SETX: variants seen among roughly 807,000 people sequenced by gnomAD.
SETX encodes senataxin, also known as helicase senataxin.
SETX carries 90 observed loss-of-function variants against 227.2 expected under a neutral mutation model. The observed-to-expected ratio is 0.40, with a 90% CI of 0.33 to 0.47. The LOEUF is 0.47. SETX is among the 20% of genes least tolerant of loss of function. The pLI is 0.91. For missense variants in SETX, 3,052 were observed against 3,181.5 expected (o/e 0.96, Z 0.98); for synonymous variants, 1,210 against 1,113.2 (o/e 1.09, Z -1.73).
chr9:132,286,181 CA>C lies in SETX; in HGVS notation c.6396+241del, dbSNP rs58043008. ...CTGGTGACAGAGCAAGACTTCACCTCAAAAAAAAAAAAAAAAAAAAATTAGC... is the reference window on the plus strand; with the variant it reads ...CTGGTGACAGAGCAAGACTTCACCTCAAAAAAAAAAAAAAAAAAAATTAGC... On this transcript the variant is annotated intron_variant, in intron 18 of 25. Coordinates refer to ENST00000224140, the MANE Select transcript of SETX (RefSeq NM_015046.7). Among the ~76,000 whole-genome samples the C allele has an allele frequency of 0.049, 3,671 of 74,520 alleles. 115 individuals are homozygous for C. The highest frequency in any genetic ancestry group is 0.22 in the East Asian group (712 of 3,188). 48.9% of individuals were successfully genotyped at this position (74,520 alleles called of 152,430 possible).
intron 11 of SETX, among the ~76,000 whole-genome samples, chr9:132,302,356 CAAAAAAAA>C (rs35649212): frequency 3.6e-5 from 1 of 27,814 alleles, no homozygotes; most frequent in South Asian, 1.4e-3. Context: ...GAATCCATCT[CAAAAAAAA>C]AAAAAAAAAA....
intron 4 of SETX, among the ~76,000 whole-genome samples, chr9:132,344,997 C>A (rs567451551): frequency 6.6e-6 from 1 of 152,090 alleles, no homozygotes; most frequent in East Asian, 1.9e-4. Context: ...ATAAGCCATG[C>A]CATAGTGGTT....
In SETX at chr9:132,328,074, C is replaced by A. The variant is rs776791050; in HGVS notation, c.3524G>T (p.Arg1175Met). 6 of 1,614,138 alleles carry A rather than the reference C, an allele frequency of 3.7e-6. No homozygotes were observed. In the East Asian group the frequency reaches 8.9e-5, roughly 24 times the overall value. Reference sequence around the variant, plus strand: ...CTCATTTCTGACAGAAGATGAAGGCCTCACAGGATCTTCAGCCATTGGTTT... The same window carrying A: ...CTCATTTCTGACAGAAGATGAAGGCATCACAGGATCTTCAGCCATTGGTTT... ...SEKPMAEDPV[R>M]PSSSVRNEGQ... is the part of the protein sequence containing the mutation. The change falls in exon 10 of 26, where the codon AGG becomes ATG. Residue 1175 changes from arginine to methionine, a missense_variant. Physicochemically the swap from Arg to Met is moderately conservative, Grantham distance 91. Transcript: ENST00000224140.
At chr9:132,333,012 G>A (rs900796842) in intron 7 of SETX, among the ~76,000 whole-genome samples, 3 of 151,888 alleles carry the variant, frequency 2.0e-5, no homozygotes, top group Non-Finnish European at 4.4e-5. Context: ...TTAGGCACAG[G>A]GAAAGAAATG....
rs1346733817 is a variant in SETX at position 132,262,022 on chromosome 9, A to C, written c.*2217T>G. 1.3e-5 allele frequency: 2 copies of C among 153,900 alleles called. No homozygotes were observed. The highest frequency in any genetic ancestry group is 2.9e-5 in the Non-Finnish European group (2 of 68,178). The allele number at this position is 153,900 out of a possible 1,614,324, so 9.5% of individuals were successfully genotyped here. A position where few individuals can be genotyped will look rare whatever the true frequency, so the allele number is the denominator to read the frequency against. ...TACTTGTACCAACTGGAACGAGTGA[A>C]GTTTCAAAAGTAATGTGAGGTACAA... is the stretch of plus-strand genomic sequence containing the variant. On this transcript the variant is annotated 3_prime_UTR_variant, in exon 26 of 26. Coordinates refer to ENST00000224140, the MANE Select transcript of SETX (RefSeq NM_015046.7).
chr9:132,299,239 T>C (rs755275803), intron 12 of SETX, among the ~76,000 whole-genome samples: 1 of 152,170 alleles, frequency 6.6e-6, no homozygotes, highest in Non-Finnish European at 1.5e-5. Context: ...TGGGAAAGAA[T>C]GAAGGAAGTG....
chr9:132,264,656 T>C lies in SETX; in HGVS notation c.7617A>G (p.Pro2539=), dbSNP rs1842549376. ...CAATGCCCATCCTCTTCAGCAGTCG[T>C]GGGTCCTGAAGTTGGTCATGAACAG... The part of the protein sequence containing the change: ...RPPVHDQLQD[P]RLLKRMGIEV... Residue 2539 remains proline, a synonymous_variant, in exon 26 of 26, where the codon CCA becomes CCG. Coordinates refer to ENST00000224140, the MANE Select transcript of SETX (RefSeq NM_015046.7). 1 of 1,614,256 alleles carries C rather than the reference T, an allele frequency of 6.2e-7. No individual in the cohort carries two copies. Among genetic ancestry groups the C allele is most frequent in the Non-Finnish European group, 8.5e-7 (1 of 1,180,044 alleles).
chr9:132,295,804 T>A lies in SETX; in HGVS notation c.6106+68A>T. The stretch of plus-strand genomic sequence containing the variant: ...CAGGACTGGCCTGCTCTTTCCTTTG[T>A]CATTCAAAGTTGCCTACACTTAACA... On this transcript the variant is annotated intron_variant, in intron 15 of 25. Transcript: ENST00000224140. 2.1e-6 allele frequency: 3 copies of A among 1,434,662 alleles called. No individual in the cohort carries two copies. In the East Asian group the frequency reaches 7.2e-5, roughly 34 times the overall value. The allele number at this position is 1,434,662 out of a possible 1,614,324, so 88.9% of individuals were successfully genotyped here.
intron 18 of SETX, 31 bp downstream of exon 18, chr9:132,286,392 A>G (rs1404580355): frequency 2.7e-6 from 4 of 1,477,060 alleles, no homozygotes; most frequent in Non-Finnish European, 3.7e-6. Context: ...AAAAAAAAAA[A>G]TCAAGAAAAT....
intron 25 of SETX, chr9:132,269,379 G>A (rs1182059493): frequency 2.0e-6 from 3 of 1,488,984 alleles, no homozygotes; most frequent in Non-Finnish European, 1.8e-6. Flanking sequence ...CTATGATGTG[G>A]ATAATTTGTT....
At position 132,324,646 on chromosome 9, in the gene SETX, C is replaced by A. The variant is rs138223497; in HGVS notation, c.5274+1678G>T. Among the ~76,000 whole-genome samples, 505 of 152,260 alleles carry A rather than the reference C, an allele frequency of 3.3e-3. 4 individuals carry two copies. The highest frequency in any genetic ancestry group is 0.012 in the African/African-American group (478 of 41,538). ...TCATACTAGAGTCCTTATCTCAATC[C>A]CAAATGGTCACTTCCAGAGAGCAGA... On this transcript the variant is annotated intron_variant, in intron 10 of 25. Coordinates refer to ENST00000224140, the MANE Select transcript of SETX (RefSeq NM_015046.7).
In SETX at chr9:132,271,750, C is replaced by T. The variant is rs1334073980; in HGVS notation, c.7159G>A (p.Val2387Ile). ...ATGCTATTTGCTCTGACACACGTAA[C>T]AATAACACAATCCTTCTGCCGACCC... ...FQGRQKDCVI[V>I]TCVRANSIQG... Residue 2387 changes from valine (V) to isoleucine (I), a missense_variant, in exon 24 of 26, where the codon GTT becomes ATT. Val to Ile is a conservative substitution (Grantham distance 29). Coordinates refer to ENST00000224140, the MANE Select transcript of SETX (RefSeq NM_015046.7). 6.2e-7 allele frequency: 1 copy of T among 1,614,000 alleles called. No homozygotes were observed. Among genetic ancestry groups the T allele is most frequent in the Non-Finnish European group, 8.5e-7 (1 of 1,180,018 alleles).
intron 2 of SETX, 107 bp from the exon 3 acceptor site, chr9:132,349,542 G>A (rs1465733361): frequency 8.5e-7 from 1 of 1,173,998 alleles, no homozygotes; most frequent in African/African-American, 1.5e-5. Context: ...TTTAAAATGT[G>A]TCACTAAAAC....
At chr9:132,314,132 G>C (rs1432562297) in intron 10 of SETX, among the ~76,000 whole-genome samples, 1 of 151,832 alleles carries the variant, frequency 6.6e-6, no homozygotes, top group East Asian at 1.9e-4. Flanking sequence ...CGGTCTTGTT[G>C]CCCAGGCGGG....
chr9:132,326,437 G>A lies in SETX; in HGVS notation c.5161C>T (p.Pro1721Ser), dbSNP rs141405303. The change falls in exon 10 of 26, where the codon CCC (proline) becomes TCC (serine). Residue 1721 changes from proline (P) to serine (S), a missense_variant. Coordinates refer to ENST00000224140, the MANE Select transcript of SETX (RefSeq NM_015046.7). The part of the protein sequence containing the change: ...EMFLNFGQCG[P>S]PASLCQSISR... The stretch of plus-strand genomic sequence containing the variant: ...ATGGACTGACAAAGACTTGCAGGGG[G>A]CCCACACTGACCAAAGTTCAAAAAC... 3.7e-6 allele frequency: 6 copies of A among 1,613,908 alleles called. No individual in the cohort carries two copies. The African/African-American group carries it at 5.3e-5, about 14-fold the overall frequency.
intron 6 of SETX, among the ~76,000 whole-genome samples, chr9:132,335,234 CAA>C (rs1310251393): frequency 1.3e-5 from 2 of 150,964 alleles, no homozygotes; most frequent in East Asian, 2.0e-4. Flanking sequence ...ACTAAAAATA[CAA>C]AAAAATTAGC....
intron 5 of SETX, among the ~76,000 whole-genome samples, chr9:132,338,252 C>T (rs951889643): frequency 6.6e-6 from 1 of 151,950 alleles, no homozygotes; most frequent in African/African-American, 2.4e-5. Flanking sequence ...CCACCACGCC[C>T]GGCTAACTTT....
rs1554801473 is a variant in SETX, at chr9:132,264,559, T to C, written c.7714A>G (p.Thr2572Ala). 6.2e-7 allele frequency: 1 copy of C among 1,614,088 alleles called. No homozygotes were observed. Among genetic ancestry groups the C allele is most frequent in the Admixed American group, 1.7e-5 (1 of 60,014 alleles). Residue 2572 changes from threonine (T) to alanine (A), a missense_variant, in exon 26 of 26, where the codon ACG becomes GCG. By Grantham distance (58) the Thr-to-Ala change is moderately conservative. Around this residue, in one of 10 missense-constraint regions of SETX, gnomAD observed 294 missense variants for 278.8 expected, o/e 1.05. Coordinates refer to ENST00000224140, the MANE Select transcript of SETX (RefSeq NM_015046.7). Reference protein sequence around the residue: ...SPQHPGATPPTGEPGFPVVHQ... With the variant: ...SPQHPGATPPAGEPGFPVVHQ... ...ACGACAGGGAAGCCCGGCTCGCCCG[T>C]AGGAGGTGTTGCTCCAGGATGCTGG...
Position 132,262,916 on chromosome 9 carries a change from T to G in SETX, c.*1323A>C, listed in dbSNP as rs1842467410. Reference sequence around the variant, plus strand: ...CAACTGTCAACTGTACATTCTCATGTTTAGGATACTCCAGTTCACTGCGTG... The same window carrying G: ...CAACTGTCAACTGTACATTCTCATGGTTAGGATACTCCAGTTCACTGCGTG... On this transcript the variant is annotated 3_prime_UTR_variant, in exon 26 of 26. Coordinates refer to ENST00000224140, the MANE Select transcript of SETX (RefSeq NM_015046.7). 1 of 152,170 alleles carries G rather than the reference T, an allele frequency of 6.6e-6. No homozygotes were observed. Among genetic ancestry groups the G allele is most frequent in the Non-Finnish European group, 1.5e-5 (1 of 68,040 alleles). 9.4% of individuals were successfully genotyped at this position (152,170 alleles called of 1,614,324 possible).
Sources: allele counts gnomAD v4.1 joint callset (sites outside exome capture counted in the v4.1 genomes callset), GRCh38; gene constraint gnomAD v4.1.1; regional missense constraint gnomAD v4.1.1; transcripts MANE v1.5; gene names NCBI Gene and HGNC (gene_info 2026-07-23, HGNC 2026-07-21).